Variants in TANGO2 observed in about 807,000 individuals in gnomAD.
The protein encoded by TANGO2 is transport and Golgi organization protein 2 homolog.
In TANGO2, 26 loss-of-function variants were observed where a neutral mutation model predicts 39.1. The observed-to-expected ratio is 0.67, with a 90% confidence interval of 0.49 to 0.92. TANGO2 has a LOEUF of 0.92. Ranked by LOEUF, TANGO2 falls within the 40% of genes least tolerant of loss-of-function variation. TANGO2 has a pLI of 0.00. For synonymous variants in TANGO2, 131 were observed against 144.5 expected, an observed-to-expected ratio of 0.91 and a Z score of 0.67; for missense variants, 326 against 360.1, an observed-to-expected ratio of 0.91 and a Z score of 0.77.
chr22:20,032,937 A>C (rs963915567), intron 1 of TANGO2, among the ~76,000 whole-genome samples: 1 of 152,148 alleles, frequency 6.6e-6, no homozygotes, highest in Admixed American at 6.5e-5. Context: ...AGCAGGCATG[A>C]GAGGGTGTTG....
chr22:20,052,263 C>G (rs1478039558), intron 3 of TANGO2, among the ~76,000 whole-genome samples: 1 of 152,214 alleles, frequency 6.6e-6, no homozygotes, highest in Non-Finnish European at 1.5e-5. Flanking sequence ...CTTGCACGAC[C>G]CATGAACCCC....
At chr22:20,043,766 A>G (rs2044485604) in intron 3 of TANGO2, among the ~76,000 whole-genome samples, 1 of 152,200 alleles carries the variant, frequency 6.6e-6, no homozygotes, top group African/African-American at 2.4e-5. Context: ...ATCCACACTC[A>G]GTCACTTTGT....
At chr22:20,026,495 G>A (rs778933076) in intron 1 of TANGO2, among the ~76,000 whole-genome samples, 7 of 152,214 alleles carry the variant, frequency 4.6e-5, no homozygotes. Flanking sequence ...TTAGCAGGAC[G>A]GGACATGACT....
intron 6 of TANGO2, among the ~76,000 whole-genome samples, chr22:20,059,304 T>A (rs1405438396): frequency 6.6e-6 from 1 of 152,210 alleles, no homozygotes; most frequent in Non-Finnish European, 1.5e-5. Context: ...CACTTGAGTT[T>A]TTTCCACCTT....
At chr22:20,026,089 A>T (rs1039802950) in intron 1 of TANGO2, among the ~76,000 whole-genome samples, 1 of 152,224 alleles carries the variant, frequency 6.6e-6, no homozygotes, top group African/African-American at 2.4e-5. Flanking sequence ...GCACAGGCAG[A>T]CAGTGGGCAG....
chr22:20,029,745 A>G (rs2531721), intron 1 of TANGO2, among the ~76,000 whole-genome samples: 127,383 of 152,140 alleles, frequency 0.84, 54,163 homozygotes, highest in Non-Finnish European at 0.91. Flanking sequence ...GTTGGCAAAG[A>G]CCACACCAAA....
intron 1 of TANGO2, among the ~76,000 whole-genome samples, chr22:20,021,725 C>G (rs1255318769): frequency 6.6e-6 from 1 of 152,200 alleles, no homozygotes; most frequent in Non-Finnish European, 1.5e-5. Flanking sequence ...GCTGGCAGGG[C>G]TGCACTCAGG....
chr22:20,034,073 C>T (rs1191818746), intron 1 of TANGO2, among the ~76,000 whole-genome samples: 3 of 152,118 alleles, frequency 2.0e-5, no homozygotes, highest in African/African-American at 7.2e-5. Flanking sequence ...GGCGTGGTGG[C>T]GCATGCCTGT....
chr22:20,022,393 C>G (rs978436093), intron 1 of TANGO2, among the ~76,000 whole-genome samples: 1 of 152,150 alleles, frequency 6.6e-6, no homozygotes, highest in African/African-American at 2.4e-5. Flanking sequence ...CCACAGGATC[C>G]TAGTGCTCTG....
intron 3 of TANGO2, among the ~76,000 whole-genome samples, chr22:20,050,391 T>C: frequency 7.6e-6 from 1 of 131,706 alleles, no homozygotes; most frequent in African/African-American, 2.8e-5. Flanking sequence ...TGAGACGGAG[T>C]CTTGGTCTGT....
rs1190519670 is a variant in TANGO2, at chr22:20,064,930, C to T, written c.*268C>T. The T allele has an allele frequency of 9.1e-6, 4 of 441,352 alleles. No homozygotes were observed. In the Admixed American group the frequency reaches 1.2e-4, roughly 13 times the overall value. The allele number at this position is 441,352 out of a possible 1,614,324, so 27.3% of individuals were successfully genotyped here. Reference sequence around the variant, plus strand: ...CCATGAACATGTGGATACACCTGAGCCCACTCTTGCACATGTACACAGGCA... The same window carrying T: ...CCATGAACATGTGGATACACCTGAGTCCACTCTTGCACATGTACACAGGCA... On this transcript the variant is annotated 3_prime_UTR_variant, in exon 9 of 9. Coordinates refer to ENST00000327374, the MANE Select transcript of TANGO2 (RefSeq NM_152906.7).
intron 1 of TANGO2, among the ~76,000 whole-genome samples, chr22:20,026,807 AGGCAGGTGAGT>A (rs2040853494): frequency 6.6e-6 from 1 of 152,222 alleles, no homozygotes; most frequent in Non-Finnish European, 1.5e-5. Flanking sequence ...TACACCCTGG[AGGCAGGTGAGT>A]GGCAACAGGT....
intron 2 of TANGO2, among the ~76,000 whole-genome samples, chr22:20,042,394 G>A (rs1273087203): frequency 6.6e-6 from 1 of 152,144 alleles, no homozygotes. Context: ...GTCCAAGCTG[G>A]GACTTGAAAG....
intron 1 of TANGO2, among the ~76,000 whole-genome samples, chr22:20,026,883 A>G (rs2040868602): frequency 6.6e-6 from 1 of 152,172 alleles, no homozygotes; most frequent in Non-Finnish European, 1.5e-5. Flanking sequence ...TGAAAGCGTC[A>G]CCCATGGATG....
chr22:20,061,387 C>T, intron 6 of TANGO2, 143 bp from the exon 7 acceptor site: 1 of 915,138 alleles, frequency 1.1e-6, no homozygotes, highest in Non-Finnish European at 1.6e-6. Flanking sequence ...GGGGAAGGAG[C>T]TGGAGCATGG....
intron 3 of TANGO2, chr22:20,047,881 C>T (rs2045539381): frequency 6.6e-6 from 1 of 151,642 alleles, no homozygotes; most frequent in Admixed American, 6.6e-5. Flanking sequence ...TACCCCCATG[C>T]TGCTATTCTC....
chr22:20,061,870 G>A (rs897758928), intron 7 of TANGO2, 187 bp downstream of exon 7: 3 of 756,278 alleles, frequency 4.0e-6, no homozygotes, highest in Non-Finnish European at 6.1e-6. Context: ...CCAACACCAG[G>A]GACTTTTGAT....
intron 3 of TANGO2, among the ~76,000 whole-genome samples, 189 bp from the exon 4 acceptor site, chr22:20,052,276 G>T (rs997741457): frequency 1.3e-5 from 2 of 152,220 alleles, no homozygotes; most frequent in African/African-American, 4.8e-5. Context: ...TGAACCCCAG[G>T]GGCTGCCTGG....
Position 20,061,566 on chromosome 22 carries a change from C to T in TANGO2, c.488C>T (p.Pro163Leu). 3.1e-6 allele frequency: 5 copies of T among 1,605,944 alleles called. No homozygotes were observed. Among genetic ancestry groups the T allele is most frequent in the Non-Finnish European group, 3.4e-6 (4 of 1,176,782 alleles). ...CTGAGCAACGCGCTGCTGGAGACTC[C>T]CTGGAGGAAGCTGTGCTTTGGGAAG... is the stretch of plus-strand genomic sequence containing the variant. ...YGLSNALLET[P>L]WRKLCFGKQL... The change falls in exon 7 of 9, where the codon CCC becomes CTC. Residue 163 changes from proline (P) to leucine (L), a missense_variant. Physicochemically the swap from Pro to Leu is moderately conservative, Grantham distance 98. Coordinates refer to ENST00000327374, the MANE Select transcript of TANGO2 (RefSeq NM_152906.7).
Sources: allele counts gnomAD v4.1 joint callset (sites outside exome capture counted in the v4.1 genomes callset), GRCh38; gene constraint gnomAD v4.1.1; transcripts MANE v1.5; gene names NCBI Gene and HGNC (gene_info 2026-07-23, HGNC 2026-07-21).